NR3C2: variants seen among roughly 807,000 people sequenced by gnomAD.
NR3C2 encodes mineralocorticoid receptor.
NR3C2 carries 15 observed loss-of-function variants against 86.4 expected under a neutral mutation model. The ratio of observed to expected loss-of-function variants is 0.17; its 90% CI spans 0.12 to 0.27. The LOEUF (loss-of-function observed/expected upper bound fraction) is 0.27, where lower values mean the gene tolerates loss of function less well. Among genes scored for constraint, NR3C2 ranks in the 10% least tolerant of loss-of-function variants. The pLI is 1.00. For synonymous variants in NR3C2, 458 were observed against 450.5 expected (o/e 1.02, Z -0.21); for missense variants, 960 against 1,195.6 (o/e 0.80, Z 2.91).
chr4:148,168,338 G>A (rs899324720), intron 4 of NR3C2, among the ~76,000 whole-genome samples: 1 of 152,188 alleles, frequency 6.6e-6, no homozygotes, highest in Non-Finnish European at 1.5e-5. Context: ...CAAATTGCAA[G>A]CACTCTAAGA....
At chr4:148,284,373 A>G (rs542818881) in intron 2 of NR3C2, among the ~76,000 whole-genome samples, 1 of 152,190 alleles carries the variant, frequency 6.6e-6, no homozygotes, top group Non-Finnish European at 1.5e-5. Context: ...ATTAATACTC[A>G]ACACACATTT....
intron 6 of NR3C2, among the ~76,000 whole-genome samples, chr4:148,122,947 C>T (rs984873759): frequency 6.6e-6 from 1 of 152,124 alleles, no homozygotes; most frequent in Non-Finnish European, 1.5e-5. Flanking sequence ...GGAAGACAAC[C>T]AAAAGGTCTG....
intron 3 of NR3C2, among the ~76,000 whole-genome samples, chr4:148,230,836 C>T (rs1260647822): frequency 6.6e-6 from 1 of 152,124 alleles, no homozygotes; most frequent in Non-Finnish European, 1.5e-5. Context: ...GTTCTAAATC[C>T]AACAGACCAT....
intron 2 of NR3C2, among the ~76,000 whole-genome samples, chr4:148,266,292 C>T (rs1363898419): frequency 1.3e-5 from 2 of 152,032 alleles, no homozygotes; most frequent in Admixed American, 6.6e-5. Flanking sequence ...AGGACAGTCT[C>T]GATATCTTGA....
chr4:148,439,437 C>A (rs929217558), intron 1 of NR3C2, among the ~76,000 whole-genome samples: 2 of 152,130 alleles, frequency 1.3e-5, no homozygotes, highest in African/African-American at 4.8e-5. Context: ...CACCATCTAA[C>A]CAGATGCCTG....
At chr4:148,145,327 C>T (rs947262499) in intron 6 of NR3C2, among the ~76,000 whole-genome samples, 31 of 152,184 alleles carry the variant, frequency 2.0e-4, no homozygotes, top group Non-Finnish European at 4.4e-5. Flanking sequence ...ACCCGGCATG[C>T]GGACAGCCCA....
intron 2 of NR3C2, among the ~76,000 whole-genome samples, chr4:148,387,577 T>C (rs1747330837): frequency 6.6e-6 from 1 of 152,232 alleles, no homozygotes; most frequent in Non-Finnish European, 1.5e-5. Flanking sequence ...GACCAAGCAC[T>C]GACTGAATGC....
intron 4 of NR3C2, among the ~76,000 whole-genome samples, chr4:148,180,460 C>A (rs1389375354): frequency 6.8e-6 from 1 of 146,600 alleles, no homozygotes; most frequent in East Asian, 1.9e-4. Context: ...GTGTCTTTAT[C>A]TCTTCTGCTT....
At chr4:148,291,688 G>A (rs1326653542) in intron 2 of NR3C2, among the ~76,000 whole-genome samples, 6 of 151,954 alleles carry the variant, frequency 3.9e-5, no homozygotes, top group Non-Finnish European at 8.8e-5. Context: ...TTCCCATTGA[G>A]CAAATACTAC....
rs1253430480 is a variant in NR3C2, at chr4:148,267,518, C to T, written c.1758-7401G>A. Among the ~76,000 whole-genome samples, 42 of 151,866 alleles carry T rather than the reference C, an allele frequency of 2.8e-4. 1 individual carries two copies. The highest frequency in any genetic ancestry group is 4.4e-5 in the Non-Finnish European group (3 of 67,990). On this transcript the variant is annotated intron_variant, in intron 2 of 8. Coordinates refer to ENST00000358102, the MANE Select transcript of NR3C2 (RefSeq NM_000901.5). ...TCTGTATGGCTTTTAATTTGTAAAACAATGGTAAGCAGAAGAAAGGGTTTT... is the reference window on the plus strand; with the variant it reads ...TCTGTATGGCTTTTAATTTGTAAAATAATGGTAAGCAGAAGAAAGGGTTTT...
rs539138113 is a variant in NR3C2 at position 148,425,869 on chromosome 4, G to A, written c.1757+9235C>T. The stretch of plus-strand genomic sequence containing the variant: ...TAGGCAAATCACGAATACTGTCTCC[G>A]TCTCAGTTTTCATATCTGTAAAATA... On this transcript the variant is annotated intron_variant, in intron 2 of 8. Coordinates refer to ENST00000358102, the MANE Select transcript of NR3C2 (RefSeq NM_000901.5). Among the ~76,000 whole-genome samples, 37 of 152,142 alleles carry A rather than the reference G, an allele frequency of 2.4e-4. 1 individual carries two copies. The highest frequency in any genetic ancestry group is 9.2e-4 in the Admixed American group (14 of 15,278).
At chr4:148,155,238 G>T (rs1734310365) in intron 4 of NR3C2, among the ~76,000 whole-genome samples, 1 of 152,142 alleles carries the variant, frequency 6.6e-6, no homozygotes, top group South Asian at 2.1e-4. Flanking sequence ...AGTGGGGGAG[G>T]ACTTAAGAAA....
intron 8 of NR3C2, among the ~76,000 whole-genome samples, chr4:148,101,239 T>C (rs936435805): frequency 2.6e-5 from 4 of 152,236 alleles, no homozygotes; most frequent in African/African-American, 9.6e-5. Flanking sequence ...CTGTAAAACA[T>C]AGTACAATTG....
rs78825578 is a variant in NR3C2, at chr4:148,138,093, G to A, written c.2510+14376C>T. 3.2e-3 allele frequency among the ~76,000 whole-genome samples: 485 copies of A among 152,274 alleles called. 1 individual carries two copies. The highest frequency in any genetic ancestry group is 9.1e-3 in the African/African-American group (378 of 41,552). ...TTAGGATTCTCAATGCTTTGAGAGC[G>A]TAAAGGGTCCTGAGAACACACTGTT... On this transcript the variant is annotated intron_variant, in intron 6 of 8. Coordinates refer to ENST00000358102, the MANE Select transcript of NR3C2 (RefSeq NM_000901.5).
intron 2 of NR3C2, among the ~76,000 whole-genome samples, chr4:148,386,653 G>C (rs987212504): frequency 6.6e-6 from 1 of 152,148 alleles, no homozygotes; most frequent in Non-Finnish European, 1.5e-5. Flanking sequence ...TCAGATATTG[G>C]CAGATCTAGG....
chr4:148,186,996 G>GTATGTATATA (rs1735939864), intron 4 of NR3C2, among the ~76,000 whole-genome samples: 2 of 27,200 alleles, frequency 7.4e-5, no homozygotes, highest in Admixed American at 4.7e-4. Flanking sequence ...GTGTATGTAT[G>GTATGTATATA]TATATATATA....
At chr4:148,132,575 T>C (rs956209135) in intron 6 of NR3C2, among the ~76,000 whole-genome samples, 1 of 152,260 alleles carries the variant, frequency 6.6e-6, no homozygotes, top group African/African-American at 2.4e-5. Flanking sequence ...TCACTGGATA[T>C]TTTAAGATTT....
At chr4:148,237,040 C>T (rs1260109828) in intron 3 of NR3C2, among the ~76,000 whole-genome samples, 4 of 152,192 alleles carry the variant, frequency 2.6e-5, no homozygotes, top group Admixed American at 6.5e-5. Context: ...TAATATTTTA[C>T]CTTTGTACCA....
At chr4:148,196,181 A>T (rs1215087575) in intron 3 of NR3C2, among the ~76,000 whole-genome samples, 1 of 152,200 alleles carries the variant, frequency 6.6e-6, no homozygotes, top group Non-Finnish European at 1.5e-5. Flanking sequence ...GACAGATCAG[A>T]GGAAATGAGG....
Sources: allele counts gnomAD v4.1 joint callset (sites outside exome capture counted in the v4.1 genomes callset), GRCh38; gene constraint gnomAD v4.1.1; transcripts MANE v1.5; gene names NCBI Gene and HGNC (gene_info 2026-07-23, HGNC 2026-07-21).